CALN1: variants seen among roughly 807,000 people sequenced by gnomAD.
The protein encoded by CALN1 is calneuron 1.
Under a neutral mutation model 30.6 loss-of-function variants are expected in CALN1, and 17 were observed. The observed-to-expected ratio is 0.56, with a 90% confidence interval of 0.38 to 0.83. CALN1 has a LOEUF of 0.83. Ranked by LOEUF, CALN1 falls within the 40% of genes least tolerant of loss-of-function variation. The pLI is 0.00. For synonymous variants in CALN1, 156 were observed against 131.4 expected, an observed-to-expected ratio of 1.19 and a Z score of -1.28; for missense variants, 291 against 354.9, an observed-to-expected ratio of 0.82 and a Z score of 1.45.
intron 2 of CALN1, among the ~76,000 whole-genome samples, chr7:72,388,150 G>C (rs1046075440): frequency 1.3e-5 from 2 of 152,170 alleles, no homozygotes; most frequent in Admixed American, 1.3e-4. Context: ...ATAAATGTTT[G>C]AAGTGATGAA....
chr7:71,907,457 A>T (rs1247562437), intron 5 of CALN1, among the ~76,000 whole-genome samples: 2 of 152,166 alleles, frequency 1.3e-5, no homozygotes, highest in Non-Finnish European at 2.9e-5. Flanking sequence ...TATGAAGCAC[A>T]CCACACAGCA....
intron 2 of CALN1, among the ~76,000 whole-genome samples, chr7:72,280,121 C>A (rs1401814622): frequency 6.6e-6 from 1 of 152,176 alleles, no homozygotes; most frequent in East Asian, 1.9e-4. Context: ...ATGTCAAACC[C>A]TCATTTCAAA....
chr7:72,356,707 A>C (rs940305773), intron 2 of CALN1, among the ~76,000 whole-genome samples: 5 of 152,056 alleles, frequency 3.3e-5, no homozygotes, highest in Admixed American at 6.5e-5. Flanking sequence ...TTATTAGCTC[A>C]ATCTGATTGA....
intron 5 of CALN1, among the ~76,000 whole-genome samples, chr7:71,964,686 C>T (rs1359541171): frequency 6.7e-6 from 1 of 150,356 alleles, no homozygotes; most frequent in Non-Finnish European, 1.5e-5. Flanking sequence ...CAAAACAAAA[C>T]AAAAAAAGGA....
intron 5 of CALN1, among the ~76,000 whole-genome samples, chr7:71,972,941 G>C (rs1041150138): frequency 4.6e-5 from 7 of 152,122 alleles, no homozygotes; most frequent in Admixed American, 4.6e-4. Context: ...TGAAAAGAGG[G>C]ACAGTTCTAT....
chr7:72,398,600 T>C (rs552217947), intron 2 of CALN1, among the ~76,000 whole-genome samples: 243 of 152,352 alleles, frequency 1.6e-3, no homozygotes, highest in African/African-American at 5.7e-3. Flanking sequence ...CTCTAGTCCC[T>C]GGAATCTGTC....
intron 2 of CALN1, among the ~76,000 whole-genome samples, chr7:72,347,773 C>T (rs1466607665): frequency 1.3e-5 from 2 of 152,096 alleles, no homozygotes; most frequent in South Asian, 2.1e-4. Flanking sequence ...AAAAAGAAAA[C>T]GGACCAATTT....
chr7:71,948,243 G>A (rs112888977), intron 5 of CALN1, among the ~76,000 whole-genome samples: 2 of 149,346 alleles, frequency 1.3e-5, no homozygotes, highest in Non-Finnish European at 3.0e-5. Context: ...GAGTGGGGGG[G>A]AAGAGGACCA....
At chr7:72,392,331 GGTT>G (rs2129561477) in intron 2 of CALN1, among the ~76,000 whole-genome samples, 1 of 152,330 alleles carries the variant, frequency 6.6e-6, no homozygotes, top group African/African-American at 2.4e-5. Flanking sequence ...AGCGCAGGAT[GGTT>G]GTTGGTTTAT....
intron 2 of CALN1, among the ~76,000 whole-genome samples, chr7:72,366,660 A>G (rs1266691939): frequency 6.6e-6 from 1 of 152,108 alleles, no homozygotes; most frequent in African/African-American, 2.4e-5. Flanking sequence ...CTGAGTCTCT[A>G]AAGTTCACAT....
At chr7:72,102,781 G>A (rs976168539) in intron 4 of CALN1, among the ~76,000 whole-genome samples, 1 of 151,994 alleles carries the variant, frequency 6.6e-6, no homozygotes, top group Admixed American at 6.6e-5. Context: ...TGGCTAAGAG[G>A]TACAAGGTTT....
At chr7:72,081,140 A>G (rs751457712) in intron 4 of CALN1, among the ~76,000 whole-genome samples, 19 of 152,256 alleles carry the variant, frequency 1.2e-4, no homozygotes, top group Non-Finnish European at 2.5e-4. Context: ...TTCTATCTGC[A>G]GGGTGTGTGA....
chr7:72,083,532 T>G (rs1308933621), intron 4 of CALN1, among the ~76,000 whole-genome samples: 1 of 152,012 alleles, frequency 6.6e-6, no homozygotes, highest in Admixed American at 6.6e-5. Context: ...TGCATCGAGC[T>G]ATGATCATGC....
At chr7:72,439,758 T>C (rs539125932) in intron 1 of CALN1, among the ~76,000 whole-genome samples, 30 of 152,104 alleles carry the variant, frequency 2.0e-4, no homozygotes, top group Admixed American at 7.8e-4. Context: ...TTTGTATTTG[T>C]AGTAGAGATG....
intron 4 of CALN1, among the ~76,000 whole-genome samples, chr7:72,040,948 C>A (rs1353006413): frequency 2.6e-5 from 4 of 152,136 alleles, no homozygotes; most frequent in Non-Finnish European, 4.4e-5. Flanking sequence ...TGTAGCAGCC[C>A]AAGCACACTG....
intron 4 of CALN1, among the ~76,000 whole-genome samples, chr7:72,076,865 A>T (rs1804780002): frequency 6.6e-6 from 1 of 152,160 alleles, no homozygotes; most frequent in Admixed American, 6.5e-5. Context: ...AGTTGAAAAC[A>T]CATCGTTCTA....
At chr7:72,441,222 A>C (rs1026688263) in intron 1 of CALN1, among the ~76,000 whole-genome samples, 1 of 152,178 alleles carries the variant, frequency 6.6e-6, no homozygotes, top group African/African-American at 2.4e-5. Context: ...AGCTAAGGGA[A>C]GATTCTTTTT....
chr7:72,068,679 TG>T (rs1382691631), intron 4 of CALN1, among the ~76,000 whole-genome samples: 2 of 152,136 alleles, frequency 1.3e-5, no homozygotes, highest in Non-Finnish European at 2.9e-5. Flanking sequence ...TTAGCAGACA[TG>T]GGGTTTCACC....
intron 5 of CALN1, among the ~76,000 whole-genome samples, chr7:71,919,363 TATTCCCAAAGCAGTGGGCTGACTTC>T (rs1485481326): frequency 1.3e-5 from 2 of 152,242 alleles, no homozygotes; most frequent in Non-Finnish European, 2.9e-5. Flanking sequence ...TTAACCCACA[TATTCCCAAAGCAGTGGGCTGACTTC>T]ATTCATTCAT....
Sources: allele counts gnomAD v4.1 joint callset (sites outside exome capture counted in the v4.1 genomes callset), GRCh38; gene constraint gnomAD v4.1.1; transcripts MANE v1.5; gene names NCBI Gene and HGNC (gene_info 2026-07-23, HGNC 2026-07-21).